The following IGSF21 variants were observed in gnomAD, a reference collection of about 807,000 sequenced individuals.
IGSF21 encodes the protein immunoglobulin superfamily member 21.
Under a neutral mutation model 46.8 loss-of-function variants are expected in IGSF21, and 28 were observed. The ratio of observed to expected loss-of-function variants is 0.60; its 90% confidence interval spans 0.44 to 0.82. The LOEUF (loss-of-function observed/expected upper bound fraction) is 0.82. Ranked by LOEUF, IGSF21 falls within the 40% of genes least tolerant of loss-of-function variation. The pLI is 0.00. For synonymous variants in IGSF21, 284 were observed against 273.6 expected (o/e 1.04, Z -0.38); for missense variants, 624 against 665.5 (o/e 0.94, Z 0.69).
rs377401864 is a variant in IGSF21, at chr1:18,303,237, C to A, written c.305+11250C>A. On this transcript the variant is annotated intron_variant, in intron 3 of 9. Transcript: ENST00000251296. ...ATATGGAATTATGATTTCAGCAAAA[C>A]TCTTCCCCACCCATTGTTTGATCAA... Among the ~76,000 whole-genome samples, 143 of 152,318 alleles carry A rather than the reference C, an allele frequency of 9.4e-4. 2 individuals carry two copies. In the South Asian group the frequency reaches 0.022, roughly 23 times the overall value.
chr1:18,133,157 G>A (rs1264906953), intron 1 of IGSF21, among the ~76,000 whole-genome samples: 8 of 152,224 alleles, frequency 5.3e-5, no homozygotes, highest in African/African-American at 9.7e-5. Flanking sequence ...GGAGGGGGAA[G>A]GGAAAGCTGG....
chr1:18,211,166 C>T (rs1351514548), intron 1 of IGSF21, among the ~76,000 whole-genome samples: 3 of 152,220 alleles, frequency 2.0e-5, no homozygotes, highest in Non-Finnish European at 4.4e-5. Flanking sequence ...GCCACTGTGC[C>T]TGGCCTTCCC....
At chr1:18,115,004 G>A (rs554534205) in intron 1 of IGSF21, 1 of 152,550 alleles carries the variant, frequency 6.6e-6, no homozygotes, top group East Asian at 1.9e-4. Flanking sequence ...GTCCAGGTGG[G>A]TGTTATATCC....
At chr1:18,368,341 T>TGA (rs2086188107) in intron 6 of IGSF21, among the ~76,000 whole-genome samples, 1 of 147,308 alleles carries the variant, frequency 6.8e-6, no homozygotes, top group South Asian at 2.2e-4. Context: ...CCATCTCTAC[T>TGA]AAAAAAAAAA....
chr1:18,268,501 C>T (rs535266676), intron 2 of IGSF21, among the ~76,000 whole-genome samples: 1 of 152,146 alleles, frequency 6.6e-6, no homozygotes, highest in Non-Finnish European at 1.5e-5. Flanking sequence ...GAAGCTGAAG[C>T]CGAGATGGGT....
At chr1:18,364,433 C>G (rs1414450256) in intron 5 of IGSF21, among the ~76,000 whole-genome samples, 1 of 149,062 alleles carries the variant, frequency 6.7e-6, no homozygotes, top group African/African-American at 2.5e-5. Flanking sequence ...TCCCTCCACA[C>G]ACTTTCCTTC....
At position 18,377,382 on chromosome 1, in the gene IGSF21, C is replaced by T. The variant is rs769176754; in HGVS notation, c.1295-11C>T. On this transcript the variant is annotated splice_polypyrimidine_tract_variant and intron_variant, in intron 8 of 9. Transcript: ENST00000251296. ...CCACCCTTTGGTTCTCTTTCTGTTT[C>T]TTTCCAACAGAAAACCCAAATATCC... 1 of 1,612,080 alleles carries T rather than the reference C, an allele frequency of 6.2e-7. No homozygotes were observed. Among genetic ancestry groups the T allele is most frequent in the Non-Finnish European group, 8.5e-7 (1 of 1,178,082 alleles).
At chr1:18,371,229 C>A (rs1345953808) in intron 6 of IGSF21, among the ~76,000 whole-genome samples, 1 of 152,138 alleles carries the variant, frequency 6.6e-6, no homozygotes, top group Non-Finnish European at 1.5e-5. Flanking sequence ...TTTATCAATA[C>A]AAATGAATGA....
Position 18,108,022 on chromosome 1 carries a change from TCGGCCAGTGG to T in IGSF21, c.-105_-96del. On this transcript the variant is annotated 5_prime_UTR_variant, in exon 1 of 10. It removes the in-frame stop codon of an upstream open reading frame in the 5' UTR. Coordinates refer to ENST00000251296, the MANE Select transcript of IGSF21 (RefSeq NM_032880.5). ...GCTCTCCGCGCTGCCCGCCACCGCC[TCGGCCAGTGG>T]CCGGAGGCAGGAGCGCGTCTGAGCC... The T allele has an allele frequency of 2.4e-6, 1 of 409,490 alleles. No homozygotes were observed. Among genetic ancestry groups the T allele is most frequent in the Non-Finnish European group, 3.8e-6 (1 of 261,146 alleles). The allele number at this position is 409,490 out of a possible 1,614,324, so 25.4% of individuals were successfully genotyped here.
chr1:18,163,292 G>A (rs1293165052), intron 1 of IGSF21, among the ~76,000 whole-genome samples: 1 of 152,164 alleles, frequency 6.6e-6, no homozygotes, highest in Non-Finnish European at 1.5e-5. Context: ...AATAGTGGTT[G>A]TTATTGGTGG....
chr1:18,301,520 T>C (rs2085361903), intron 3 of IGSF21, among the ~76,000 whole-genome samples: 1 of 152,118 alleles, frequency 6.6e-6, no homozygotes, highest in Admixed American at 6.5e-5. Context: ...TTTGTATTTT[T>C]AGCAGAGACA....
At chr1:18,195,420 A>T (rs1437176212) in intron 1 of IGSF21, among the ~76,000 whole-genome samples, 2 of 152,150 alleles carry the variant, frequency 1.3e-5, no homozygotes, top group African/African-American at 2.4e-5. Context: ...TGGAATGAGG[A>T]TCAGAACAGG....
intron 1 of IGSF21, among the ~76,000 whole-genome samples, chr1:18,117,202 A>G (rs938053037): frequency 6.6e-6 from 1 of 152,218 alleles, no homozygotes; most frequent in Non-Finnish European, 1.5e-5. Context: ...TGGACTCCAG[A>G]AAGAAATGCC....
rs564898087 is a variant in IGSF21, at chr1:18,378,132, G to A, written c.1334-124G>A. ...GTTAGGTGGCCAGGTGGCAGAGCTGGGCTTCGAACCCAGTTTGTCCTGATG... is the reference window on the plus strand; with the variant it reads ...GTTAGGTGGCCAGGTGGCAGAGCTGAGCTTCGAACCCAGTTTGTCCTGATG... On this transcript the variant is annotated intron_variant, in intron 9 of 9. Transcript: ENST00000251296. The A allele has an allele frequency of 1.9e-5, 14 of 721,264 alleles. No individual in the cohort carries two copies. The Admixed American group carries it at 3.0e-4, about 15-fold the overall frequency. The allele number at this position is 721,264 out of a possible 1,614,324, so 44.7% of individuals were successfully genotyped here.
At chr1:18,360,271 G>A (rs1031444109) in intron 4 of IGSF21, among the ~76,000 whole-genome samples, 6 of 152,112 alleles carry the variant, frequency 3.9e-5, no homozygotes, top group African/African-American at 1.4e-4. Context: ...TGTTTTATGC[G>A]ATCTTACGCT....
At chr1:18,170,572 A>G (rs1392971146) in intron 1 of IGSF21, among the ~76,000 whole-genome samples, 1 of 151,762 alleles carries the variant, frequency 6.6e-6, no homozygotes, top group Admixed American at 6.6e-5. Context: ...CCTCACAAGA[A>G]TCCTATGGGA....
At chr1:18,120,220 C>T (rs964175913) in intron 1 of IGSF21, among the ~76,000 whole-genome samples, 1 of 152,198 alleles carries the variant, frequency 6.6e-6, no homozygotes, top group Admixed American at 6.5e-5. Context: ...GCACTTTCTA[C>T]CTATAGCTTG....
intron 1 of IGSF21, among the ~76,000 whole-genome samples, chr1:18,181,223 C>T (rs1037179947): frequency 6.6e-6 from 1 of 152,228 alleles, no homozygotes; most frequent in African/African-American, 2.4e-5. Flanking sequence ...ACACCTGCCT[C>T]ATATCTCCGA....
At chr1:18,296,830 C>G (rs223160) in intron 3 of IGSF21, among the ~76,000 whole-genome samples, 30,875 of 152,034 alleles carry the variant, frequency 0.2, 3,698 homozygotes, top group African/African-American at 0.33. Flanking sequence ...CCTGAAGCAC[C>G]CTGAGGCCCT....
Sources: gnomAD v4.1 joint callset for allele counts (sites outside exome capture counted in the v4.1 genomes callset) on GRCh38, gnomAD v4.1.1 for gene constraint, MANE v1.5 for transcripts, NCBI Gene and HGNC (gene_info 2026-07-23, HGNC 2026-07-21) for gene names.